RTN1: variants seen among roughly 807,000 people sequenced by gnomAD.
The protein encoded by RTN1 is reticulon-1.
RTN1 carries 25 observed loss-of-function variants against 65.5 expected under a neutral mutation model. The ratio of observed to expected loss-of-function variants is 0.38; its 90% CI spans 0.28 to 0.53. The LOEUF (loss-of-function observed/expected upper bound fraction) is 0.53. Ranked by LOEUF, RTN1 falls within the 20% of genes least tolerant of loss-of-function variation. The probability of loss-of-function intolerance (pLI) is 0.79; values close to 1 mark genes in which losing one functional copy is unlikely to be tolerated. For missense variants in RTN1, 983 were observed against 1,025.4 expected (o/e 0.96, Z 0.57); for synonymous variants, 471 against 447.6 (o/e 1.05, Z -0.66).
intron 1 of RTN1, among the ~76,000 whole-genome samples, chr14:59,800,134 T>C (rs551502683): frequency 1.3e-5 from 2 of 152,252 alleles, no homozygotes; most frequent in East Asian, 3.9e-4. Flanking sequence ...TCTGGCATTA[T>C]ATGACCACAG....
At chr14:59,819,619 G>A (rs1030693596) in intron 1 of RTN1, among the ~76,000 whole-genome samples, 2 of 152,056 alleles carry the variant, frequency 1.3e-5, no homozygotes, top group African/African-American at 2.4e-5. Flanking sequence ...GCCCTTGGGC[G>A]GTCGATGGGA....
chr14:59,822,796 G>A (rs886575245), intron 1 of RTN1, among the ~76,000 whole-genome samples: 6 of 151,112 alleles, frequency 4.0e-5, no homozygotes, highest in African/African-American at 7.3e-5. Flanking sequence ...GTTTAATTTC[G>A]ATGTAATTGT....
At chr14:59,687,900 T>A (rs140131036) in intron 3 of RTN1, among the ~76,000 whole-genome samples, 9 of 152,178 alleles carry the variant, frequency 5.9e-5, no homozygotes, top group African/African-American at 2.2e-4. Flanking sequence ...CTCTGTTTCA[T>A]GCCCAGGCAG....
chr14:59,860,558 A>G (rs1887690355), intron 1 of RTN1, among the ~76,000 whole-genome samples: 2 of 152,190 alleles, frequency 1.3e-5, no homozygotes, highest in Non-Finnish European at 2.9e-5. Flanking sequence ...GAAGAGGGCC[A>G]CTGTCCTTCA....
intron 3 of RTN1, among the ~76,000 whole-genome samples, chr14:59,654,359 G>GGGA (rs1018402702): frequency 6.6e-6 from 1 of 151,578 alleles, no homozygotes; most frequent in Non-Finnish European, 1.5e-5. Context: ...ACCCGGGCAG[G>GGGA]GGAGGTTGGC....
chr14:59,867,909 C>A (rs982766228), intron 1 of RTN1, among the ~76,000 whole-genome samples: 2 of 152,182 alleles, frequency 1.3e-5, no homozygotes, highest in Admixed American at 6.5e-5. Context: ...AGGAAGCAGA[C>A]CCTGACCAGA....
At chr14:59,812,960 T>C (rs1322243609) in intron 1 of RTN1, among the ~76,000 whole-genome samples, 1 of 152,218 alleles carries the variant, frequency 6.6e-6, no homozygotes, top group African/African-American at 2.4e-5. Flanking sequence ...TTTGAGTTAC[T>C]ACCTATTTTT....
chr14:59,811,929 A>C (rs185475846), intron 1 of RTN1, among the ~76,000 whole-genome samples: 1 of 152,324 alleles, frequency 6.6e-6, no homozygotes, highest in Admixed American at 6.5e-5. Context: ...ATTAAGTCAG[A>C]ATCACTGTAA....
intron 2 of RTN1, among the ~76,000 whole-genome samples, chr14:59,733,246 C>A (rs192230964): frequency 5.7e-4 from 87 of 152,248 alleles, no homozygotes; most frequent in African/African-American, 2.0e-3. Context: ...GGTGCCCTTA[C>A]CACACCTGGC....
chr14:59,781,312 T>A (rs1886151190), intron 1 of RTN1, among the ~76,000 whole-genome samples: 1 of 152,124 alleles, frequency 6.6e-6, no homozygotes, highest in African/African-American at 2.4e-5. Context: ...AATTTAATAC[T>A]GTTATAGAAA....
chr14:59,858,337 G>A (rs1172620240), intron 1 of RTN1, among the ~76,000 whole-genome samples: 1 of 152,140 alleles, frequency 6.6e-6, no homozygotes, highest in Admixed American at 6.5e-5. Flanking sequence ...ACCATATTTT[G>A]AGAAGCCCTG....
intron 1 of RTN1, among the ~76,000 whole-genome samples, chr14:59,851,855 C>CAAA (rs5809049): frequency 2.3e-5 from 2 of 88,196 alleles, no homozygotes; most frequent in African/African-American, 4.5e-5. Context: ...GACACAGTCT[C>CAAA]AAAAAAAAAA....
Position 59,829,606 on chromosome 14 carries a change from C to G in RTN1, c.241+40784G>C, listed in dbSNP as rs1380450081. 6.6e-6 allele frequency among the ~76,000 whole-genome samples: 1 copy of G among 152,168 alleles called. No individual in the cohort carries two copies. The highest frequency in any genetic ancestry group is 1.5e-5 in the Non-Finnish European group (1 of 68,028). The stretch of plus-strand genomic sequence containing the variant: ...CTAGACATAGGTGGAGGGCAGGGCA[C>G]CAAACAACATTTCATTTCCTGCTCA... On this transcript the variant is annotated intron_variant, in intron 1 of 8. Transcript: ENST00000267484. The surrounding 1 kb of genome is among the most constrained non-coding windows in gnomAD (Gnocchi z 4.3).
At chr14:59,656,259 G>A (rs1028636190) in intron 3 of RTN1, among the ~76,000 whole-genome samples, 1 of 151,546 alleles carries the variant, frequency 6.6e-6, no homozygotes, top group African/African-American at 2.4e-5. Flanking sequence ...GGTTTCTTTG[G>A]GGGGTAATGA....
chr14:59,672,430 A>T (rs1331177184), intron 3 of RTN1, among the ~76,000 whole-genome samples: 3 of 152,118 alleles, frequency 2.0e-5, no homozygotes, highest in Non-Finnish European at 4.4e-5. Flanking sequence ...GATAATTATT[A>T]TGCTTTTACT....
At chr14:59,815,213 C>T (rs1180181407) in intron 1 of RTN1, among the ~76,000 whole-genome samples, 1 of 152,230 alleles carries the variant, frequency 6.6e-6, no homozygotes, top group East Asian at 1.9e-4. Context: ...CCCTCCTGCA[C>T]TGTGTAAAGC....
rs1220768362 is a variant in RTN1 at position 59,775,890 on chromosome 14, A to C, written c.242-29409T>G. Among the ~76,000 whole-genome samples, 4 of 152,324 alleles carry C rather than the reference A, an allele frequency of 2.6e-5. No homozygotes were observed. The East Asian group carries it at 7.7e-4, about 29-fold the overall frequency. ...AAAGAAGAGAAGCCATTTGAAGTCT[A>C]AACTGTTCCTCTCACAACCAGAAAT... is the stretch of plus-strand genomic sequence containing the variant. On this transcript the variant is annotated intron_variant, in intron 1 of 8. Transcript: ENST00000267484.
chr14:59,870,345 C>A lies in RTN1; in HGVS notation c.241+45G>T. The A allele has an allele frequency of 6.9e-7, 1 of 1,448,134 alleles. No individual in the cohort carries two copies. The highest frequency in any genetic ancestry group is 1.5e-5 in the South Asian group (1 of 67,910). The allele number at this position is 1,448,134 out of a possible 1,614,324, so 89.7% of individuals were successfully genotyped here. A position where few individuals can be genotyped will look rare whatever the true frequency, so the allele number is the denominator to read the frequency against. On this transcript the variant is annotated intron_variant, in intron 1 of 8. Coordinates refer to ENST00000267484, the MANE Select transcript of RTN1 (RefSeq NM_021136.3). The surrounding 1 kb of genome is among the most constrained non-coding windows in gnomAD (Gnocchi z 5.1). ...GCGCAGAAGGGGACTGACTGGGGGG[C>A]CCTGGTCCCCGACGCCATTTGAGGG... is the stretch of plus-strand genomic sequence containing the variant.
At chr14:59,736,412 C>A (rs190052747) in intron 2 of RTN1, among the ~76,000 whole-genome samples, 3 of 152,250 alleles carry the variant, frequency 2.0e-5, no homozygotes, top group Admixed American at 2.0e-4. Flanking sequence ...TGCATATAAA[C>A]TAGAAAATCT....
Sources: gnomAD v4.1 joint callset for allele counts (sites outside exome capture counted in the v4.1 genomes callset) on GRCh38, gnomAD v4.1.1 for gene constraint, Gnocchi (gnomAD v3.1) non-coding constraint, MANE v1.5 for transcripts, NCBI Gene and HGNC (gene_info 2026-07-23, HGNC 2026-07-21) for gene names.